The following SLC2A9 variants were observed in gnomAD, a reference collection of about 807,000 sequenced individuals.
SLC2A9 encodes the protein solute carrier family 2 member 9.
In SLC2A9, 39 loss-of-function variants were observed where a neutral mutation model predicts 50.6. That is an observed-to-expected ratio of 0.77 (90% CI 0.60 to 1.01). SLC2A9 has a LOEUF of 1.01. Among genes scored for constraint, SLC2A9 ranks in the 50% least tolerant of loss-of-function variants. The probability of loss-of-function intolerance (pLI) is 0.00; values close to 1 mark genes in which losing one functional copy is unlikely to be tolerated. For missense variants in SLC2A9, 686 were observed against 677.6 expected (o/e 1.01, Z -0.14); for synonymous variants, 324 against 276.9 (o/e 1.17, Z -1.69).
intron 3 of SLC2A9, chr4:9,783,526 C>T (rs1718814142): frequency 6.9e-7 from 1 of 1,450,244 alleles, no homozygotes; most frequent in Non-Finnish European, 9.4e-7. Flanking sequence ...AGCACGCACA[C>T]ACACGCAAAT....
chr4:9,795,469 T>A (rs1174673339), downstream of SLC2A9, among the ~76,000 whole-genome samples: 1 of 152,164 alleles, frequency 6.6e-6, no homozygotes, highest in Admixed American at 6.5e-5. Flanking sequence ...TGATTCATGA[T>A]CAATCTTATG....
At chr4:10,009,650 G>A (rs1008238356) in intron 2 of SLC2A9, 1 of 152,148 alleles carries the variant, frequency 6.6e-6, no homozygotes, top group South Asian at 2.1e-4. Flanking sequence ...AAAACCACTG[G>A]AAAAGTGAGT....
At chr4:9,909,806 C>T (rs769086708) in intron 7 of SLC2A9, among the ~76,000 whole-genome samples, 1 of 152,208 alleles carries the variant, frequency 6.6e-6, no homozygotes, top group Non-Finnish European at 1.5e-5. Flanking sequence ...GGGGACACCC[C>T]CTGCATTAAA....
intron 4 of SLC2A9, among the ~76,000 whole-genome samples, chr4:9,981,209 GATGATGATGGTGGTGGTGATGACT>G (rs1755731970): frequency 6.6e-6 from 1 of 152,048 alleles, no homozygotes; most frequent in Non-Finnish European, 1.5e-5. Context: ...TGATGGTGAT[GATGATGATGGTGGTGGTGATGACT>G]GTGATGATGG....
At chr4:9,775,299 C>A (rs1319713638), downstream of SLC2A9, among the ~76,000 whole-genome samples, 2 of 152,178 alleles carry the variant, frequency 1.3e-5, no homozygotes, top group Non-Finnish European at 2.9e-5. Context: ...TTCCAAAAGA[C>A]CAAAGTGGCA....
At chr4:9,987,504 T>C (rs1183533230) in intron 3 of SLC2A9, among the ~76,000 whole-genome samples, 1 of 152,196 alleles carries the variant, frequency 6.6e-6, no homozygotes. Context: ...TTTTTTCCTA[T>C]AGACTCAATG....
intron 10 of SLC2A9, among the ~76,000 whole-genome samples, chr4:9,841,217 T>C (rs1290840195): frequency 3.3e-5 from 5 of 152,224 alleles, no homozygotes; most frequent in Admixed American, 6.5e-5. Context: ...AAATGTCTTA[T>C]TTTCTACATG....
chr4:10,021,242 C>T, intron 1 of SLC2A9, 38 bp downstream of exon 1: 4 of 1,607,472 alleles, frequency 2.5e-6, no homozygotes, highest in Non-Finnish European at 3.4e-6. Context: ...GCCTTCCCCA[C>T]AGCCCGCCAG....
intron 10 of SLC2A9, among the ~76,000 whole-genome samples, chr4:9,872,436 G>T (rs1733599725): frequency 1.3e-5 from 2 of 152,222 alleles, no homozygotes; most frequent in Admixed American, 1.3e-4. Flanking sequence ...AAGAAACCCA[G>T]TCTGTGAATG....
chr4:9,818,662 C>T (rs896903664), intron 3 of SLC2A9, among the ~76,000 whole-genome samples: 1 of 152,240 alleles, frequency 6.6e-6, no homozygotes, highest in Non-Finnish European at 1.5e-5. Flanking sequence ...GGGAAGAGTG[C>T]TCAGAGGAGC....
rs150297497 is a variant in SLC2A9 at position 9,941,936 on chromosome 4, T to C, written c.791A>G (p.His264Arg). The change falls in exon 6 of 12, where the codon CAC becomes CGC. Residue 264 changes from histidine (H) to arginine (R), a missense_variant. Coordinates refer to ENST00000264784, the MANE Select transcript of SLC2A9 (RefSeq NM_020041.3). Reference protein sequence around the residue: ...DSPRYLLLEKHNEARAVKAFQ... With the variant: ...DSPRYLLLEKRNEARAVKAFQ... The stretch of plus-strand genomic sequence containing the variant: ...ACCTTTCACAGCTCTTGCCTCGTTG[T>C]GCTTCTCCAAGAGCAGGTAGCGTGG... The C allele has an allele frequency of 6.2e-7, 1 of 1,614,138 alleles. No homozygotes were observed. The highest frequency in any genetic ancestry group is 8.5e-7 in the Non-Finnish European group (1 of 1,180,010).
intron 5 of SLC2A9, among the ~76,000 whole-genome samples, chr4:9,947,045 A>G (rs1232207851): frequency 6.6e-6 from 1 of 152,160 alleles, no homozygotes; most frequent in East Asian, 1.9e-4. Context: ...TGGGAGGTAG[A>G]TGGTTGACTT....
At chr4:9,902,922 T>A (rs115266935) in intron 8 of SLC2A9, among the ~76,000 whole-genome samples, 5 of 152,360 alleles carry the variant, frequency 3.3e-5, no homozygotes, top group Non-Finnish European at 7.3e-5. Context: ...TTATTGAGTA[T>A]GTTCTCTATG....
At chr4:9,793,502 C>T (rs1348173643) in intron 3 of SLC2A9, among the ~76,000 whole-genome samples, 1 of 152,208 alleles carries the variant, frequency 6.6e-6, no homozygotes, top group Non-Finnish European at 1.5e-5. Context: ...GACATTTATG[C>T]TTTCACAATA....
At chr4:9,943,615 CA>C (rs774574568) in intron 5 of SLC2A9, among the ~76,000 whole-genome samples, 5 of 152,288 alleles carry the variant, frequency 3.3e-5, no homozygotes, top group Non-Finnish European at 4.4e-5. Context: ...TACCAAAACC[CA>C]CTGAGCTGTA....
At chr4:10,018,887 G>GA in intron 2 of SLC2A9, 88 bp downstream of exon 2, 1 of 1,320,786 alleles carries the variant, frequency 7.6e-7, no homozygotes. Context: ...AGCGCAACAG[G>GA]AGGGGGCGCT....
At chr4:9,799,429 G>A (rs1312472268) in intron 3 of SLC2A9, among the ~76,000 whole-genome samples, 2 of 152,062 alleles carry the variant, frequency 1.3e-5, no homozygotes, top group Non-Finnish European at 2.9e-5. Context: ...TCATGTGGTG[G>A]AAGGGGTCAA....
intron 2 of SLC2A9, among the ~76,000 whole-genome samples, chr4:10,004,243 G>T (rs560047549): frequency 6.6e-6 from 1 of 152,296 alleles, no homozygotes; most frequent in Admixed American, 6.5e-5. Context: ...ATTCACAACA[G>T]AGAAGTCTGG....
chr4:9,810,801 G>C (rs1722781916), intron 3 of SLC2A9, among the ~76,000 whole-genome samples: 1 of 152,200 alleles, frequency 6.6e-6, no homozygotes, highest in African/African-American at 2.4e-5. Context: ...GATCGGACAG[G>C]TTGAGCCTGT....
Sources: allele counts gnomAD v4.1 joint callset (sites outside exome capture counted in the v4.1 genomes callset), GRCh38; gene constraint gnomAD v4.1.1; transcripts MANE v1.5; gene names NCBI Gene and HGNC (gene_info 2026-07-23, HGNC 2026-07-21).